MIA2: variants seen among roughly 807,000 people sequenced by gnomAD.
The protein encoded by MIA2 is MIA SH3 domain ER export factor 2.
Under a neutral mutation model 167.8 loss-of-function variants are expected in MIA2, and 127 were observed. The ratio of observed to expected loss-of-function variants is 0.76; its 90% CI spans 0.66 to 0.88. The LOEUF (loss-of-function observed/expected upper bound fraction) is 0.88. Ranked by LOEUF, MIA2 falls within the 40% of genes least tolerant of loss-of-function variation. The probability of loss-of-function intolerance (pLI) is 0.00; values close to 1 mark genes in which losing one functional copy is unlikely to be tolerated. For synonymous variants in MIA2, 552 were observed against 541.9 expected, an observed-to-expected ratio of 1.02 and a Z score of -0.26; for missense variants, 1,690 against 1,624.7, an observed-to-expected ratio of 1.04 and a Z score of -0.69.
Position 39,302,224 on chromosome 14 carries a change from T to C in MIA2, c.2715T>C (p.Ser905=), listed in dbSNP as rs757097782. 7.4e-6 allele frequency: 12 copies of C among 1,613,736 alleles called. No homozygotes were observed. The South Asian group carries it at 1.3e-4, about 18-fold the overall frequency. ...DDDNLELEMN[S]ESENGAYLDN... The stretch of plus-strand genomic sequence containing the variant: ...ATAACTTGGAATTAGAAATGAACAG[T>C]GAATCGGAAAATGGTGCTTACTTAG... The change falls in exon 15 of 29, where the codon AGT becomes AGC. Residue 905 remains serine, a synonymous_variant. Transcript: ENST00000640607.
intron 25 of MIA2, among the ~76,000 whole-genome samples, chr14:39,341,458 C>G (rs894015663): frequency 6.6e-6 from 1 of 152,046 alleles, no homozygotes; most frequent in African/African-American, 2.4e-5. Context: ...ATATTAAGCA[C>G]AAAAGATGCT....
intron 6 of MIA2, chr14:39,267,041 T>G: frequency 1.9e-6 from 2 of 1,030,416 alleles, no homozygotes; most frequent in Non-Finnish European, 2.3e-6. Context: ...CTTCGCCAGG[T>G]AGAGCGCCGG....
At chr14:39,385,335 G>A (rs2075254372) in intron 23 of MIA2, 1 of 778,454 alleles carries the variant, frequency 1.3e-6, no homozygotes, top group South Asian at 1.6e-5. Context: ...AAAAAAAAAA[G>A]TTCAGGTTAT....
intron 6 of MIA2, among the ~76,000 whole-genome samples, chr14:39,256,690 C>T (rs2054831446): frequency 6.6e-6 from 1 of 151,912 alleles, no homozygotes; most frequent in South Asian, 2.1e-4. Context: ...ATCAGCACTA[C>T]TGAAAACTGA....
chr14:39,267,377 C>A, intron 6 of MIA2: 1 of 1,599,080 alleles, frequency 6.3e-7, no homozygotes. Flanking sequence ...GGTTCCGGAC[C>A]GAAGGCTGTG....
chr14:39,280,911 G>GTTTTTTT (rs751903170), intron 9 of MIA2, among the ~76,000 whole-genome samples: 6 of 60,202 alleles, frequency 1.0e-4, no homozygotes, highest in Admixed American at 2.3e-4. Context: ...TATTAGTTTA[G>GTTTTTTT]TTTTTTTTTT....
intron 28 of MIA2, among the ~76,000 whole-genome samples, chr14:39,349,787 CTT>C (rs1356757021): frequency 2.0e-5 from 3 of 151,872 alleles, no homozygotes; most frequent in Non-Finnish European, 4.4e-5. Flanking sequence ...TTTTTGAGGA[CTT>C]TGATAATGAA....
intron 21 of MIA2, among the ~76,000 whole-genome samples, chr14:39,317,031 C>T (rs1036604479): frequency 3.3e-5 from 5 of 152,138 alleles, no homozygotes; most frequent in Non-Finnish European, 5.9e-5. Flanking sequence ...TAAAGGTTAT[C>T]TCAGATGACA....
chr14:39,283,927 T>C (rs574186171), intron 9 of MIA2, among the ~76,000 whole-genome samples: 1 of 152,296 alleles, frequency 6.6e-6, no homozygotes, highest in East Asian at 1.9e-4. Flanking sequence ...ATATATTTTT[T>C]CTCAATCTGT....
At chr14:39,386,437 T>C in intron 23 of MIA2, 2 of 1,548,802 alleles carry the variant, frequency 1.3e-6, no homozygotes, top group Non-Finnish European at 1.8e-6. Context: ...TAGCAGAACC[T>C]TTTGGAGAAC....
intron 18 of MIA2, among the ~76,000 whole-genome samples, chr14:39,310,100 C>G (rs1413651591): frequency 1.3e-5 from 2 of 152,102 alleles, no homozygotes; most frequent in Admixed American, 1.3e-4. Context: ...TAAATCAGAT[C>G]AGTACATGCA....
chr14:39,328,285 T>A (rs922385256), intron 25 of MIA2, among the ~76,000 whole-genome samples: 1 of 152,252 alleles, frequency 6.6e-6, no homozygotes, highest in East Asian at 1.9e-4. Flanking sequence ...AAGTGTCTGT[T>A]CATATCCTTC....
At chr14:39,236,555 G>T (rs2053755879) in intron 1 of MIA2, among the ~76,000 whole-genome samples, 1 of 152,176 alleles carries the variant, frequency 6.6e-6, no homozygotes. Context: ...CTAGAATATA[G>T]TAAGTGCCAG....
At chr14:39,252,675 C>T in intron 4 of MIA2, 73 bp from the exon 5 acceptor site, 2 of 1,146,132 alleles carry the variant, frequency 1.7e-6, no homozygotes, top group Non-Finnish European at 2.5e-6. Context: ...AATGACCTGC[C>T]TAGAAAACAA....
chr14:39,359,837 A>G (rs1452947870), intron 23 of MIA2, among the ~76,000 whole-genome samples: 1 of 152,162 alleles, frequency 6.6e-6, no homozygotes, highest in Non-Finnish European at 1.5e-5. Flanking sequence ...TTTCCTTTTT[A>G]TAAAGACCCA....
rs996896718 is a variant in MIA2 at position 39,305,893 on chromosome 14, A to T, written c.2878+1512A>T. Among the ~76,000 whole-genome samples the T allele has an allele frequency of 2.6e-5, 4 of 151,362 alleles. No individual in the cohort carries two copies. In the East Asian group the frequency reaches 7.8e-4, roughly 29 times the overall value. On this transcript the variant is annotated intron_variant, in intron 17 of 28. Coordinates refer to ENST00000640607, the MANE Select transcript of MIA2 (RefSeq NM_001329214.4). Reference sequence around the variant, plus strand: ...GGAGGTTGCAGTGAGCCAAGGTTGCACCACTGCACTCCAGCCTAGGCAACC... The same window carrying T: ...GGAGGTTGCAGTGAGCCAAGGTTGCTCCACTGCACTCCAGCCTAGGCAACC...
At chr14:39,279,609 G>T (rs1024899070) in intron 9 of MIA2, 72 bp downstream of exon 9, 8 of 979,180 alleles carry the variant, frequency 8.2e-6, no homozygotes, top group Non-Finnish European at 1.2e-5. Context: ...AGGTACTTCT[G>T]TGTAAATTTA....
At chr14:39,285,989 C>T (rs955927911) in intron 9 of MIA2, among the ~76,000 whole-genome samples, 1 of 152,148 alleles carries the variant, frequency 6.6e-6, no homozygotes, top group South Asian at 2.1e-4. Flanking sequence ...GGGCTCCTCA[C>T]ATCCTAGACG....
chr14:39,263,042 C>G (rs970091991), intron 6 of MIA2, among the ~76,000 whole-genome samples: 1 of 152,188 alleles, frequency 6.6e-6, no homozygotes, highest in South Asian at 2.1e-4. Flanking sequence ...GCCAGAACTT[C>G]GAACACTGTG....
Sources: allele counts gnomAD v4.1 joint callset (sites outside exome capture counted in the v4.1 genomes callset), GRCh38; gene constraint gnomAD v4.1.1; transcripts MANE v1.5; gene names NCBI Gene and HGNC (gene_info 2026-07-23, HGNC 2026-07-21).